PHKA2: variants seen among roughly 807,000 people sequenced by gnomAD.
PHKA2 encodes the protein phosphorylase b kinase regulatory subunit alpha, liver isoform.
Under a neutral mutation model 102.0 loss-of-function variants are expected in PHKA2, and 31 were observed. The ratio of observed to expected loss-of-function variants is 0.30; its 90% CI spans 0.23 to 0.41. The LOEUF is 0.41. Among genes scored for constraint, PHKA2 ranks in the 10% least tolerant of loss-of-function variants. PHKA2 has a pLI of 1.00. For synonymous variants in PHKA2, 455 were observed against 416.2 expected, an observed-to-expected ratio of 1.09 and a Z score of -1.13; for missense variants, 858 against 1,023.1, an observed-to-expected ratio of 0.84 and a Z score of 2.20.
intron 1 of PHKA2, among the ~76,000 whole-genome samples, chrX:18,982,594 G>A (rs1051607212): frequency 3.6e-5 from 4 of 112,107 alleles, no homozygotes; most frequent in Non-Finnish European, 7.5e-5. Context: ...GCACTTTTGG[G>A]AGGCCGTGGT....
chrX:18,894,807 A>T, intron 31 of PHKA2: 1 of 389,400 alleles, frequency 2.6e-6, no homozygotes, highest in Non-Finnish European at 4.5e-6. Context: ...AGTTGGAGAA[A>T]AGGGCCGAGA....
Position 18,931,737 on chromosome X carries a change from C to G in PHKA2, c.1149G>C (p.Glu383Asp), listed in dbSNP as rs2048318431. The G allele has an allele frequency of 2.6e-6, 3 of 1,176,276 alleles. No individual in the cohort carries two copies. Among genetic ancestry groups the G allele is most frequent in the Non-Finnish European group, 3.5e-6 (3 of 863,184 alleles). The change falls in exon 12 of 33, where the codon GAG (glutamate) becomes GAC (aspartate). Residue 383 changes from glutamate (E) to aspartate (D), a missense_variant. Glu to Asp is a conservative substitution (Grantham distance 45). Around this residue, in one of 2 missense-constraint regions of PHKA2, gnomAD observed 671 missense variants for 745.2 expected, o/e 0.90. Transcript: ENST00000379942. Reference protein sequence around the residue: ...YAVPPNKVDEEYKNPHTVDRV... With the variant: ...YAVPPNKVDEDYKNPHTVDRV... ...GGTCTACTGTGTGAGGATTCTTGTACTCTTCATCTACCTGGAAAGAGAGAC... is the reference window on the plus strand; with the variant it reads ...GGTCTACTGTGTGAGGATTCTTGTAGTCTTCATCTACCTGGAAAGAGAGAC...
At chrX:18,918,927 T>C (rs2048066752) in intron 18 of PHKA2, 73 bp from the exon 19 acceptor site, 8 of 947,638 alleles carry the variant, frequency 8.4e-6, no homozygotes, top group Non-Finnish European at 1.2e-5. Flanking sequence ...ATAGTGACCA[T>C]GGGTAGCAAG....
chrX:18,955,415 T>C (rs2048760568), intron 1 of PHKA2, among the ~76,000 whole-genome samples: 1 of 108,226 alleles, frequency 9.2e-6, no homozygotes, highest in Non-Finnish European at 1.9e-5. Flanking sequence ...GCTCGAAAAT[T>C]GATTGTGGTG....
chrX:18,968,991 C>T (rs1331718361), intron 1 of PHKA2, among the ~76,000 whole-genome samples: 1 of 111,206 alleles, frequency 9.0e-6, no homozygotes, highest in Non-Finnish European at 1.9e-5. Context: ...GTGGTGCACG[C>T]CTGTAATTCC....
At chrX:18,980,445 G>A (rs751301979) in intron 1 of PHKA2, among the ~76,000 whole-genome samples, 141 of 112,980 alleles carry the variant, frequency 1.2e-3, no homozygotes, top group African/African-American at 4.1e-3. Context: ...GGCAGGAGGC[G>A]AGATATGCTG....
intron 4 of PHKA2, 148 bp downstream of exon 4, chrX:18,950,956 G>A (rs750061012): frequency 1.9e-4 from 112 of 581,373 alleles, no homozygotes; most frequent in Non-Finnish European, 2.9e-4. Context: ...AAAGCATTTC[G>A]GTTCTGTATA....
At chrX:18,895,492 G>A (rs893648380) in intron 30 of PHKA2, 8 of 319,480 alleles carry the variant, frequency 2.5e-5, no homozygotes, top group African/African-American at 1.3e-4. Context: ...AACTGGGCCC[G>A]GGCGGCTGCG....
intron 19 of PHKA2, among the ~76,000 whole-genome samples, chrX:18,914,837 G>C (rs1424189937): frequency 9.0e-6 from 1 of 111,606 alleles, no homozygotes; most frequent in Non-Finnish European, 1.9e-5. Context: ...AAATAACTCC[G>C]AGTCAACAAG....
rs375400687 is a variant in PHKA2, at chrX:18,910,829, T to C, written c.2226+43A>G. On this transcript the variant is annotated intron_variant, in intron 20 of 32. Coordinates refer to ENST00000379942, the MANE Select transcript of PHKA2 (RefSeq NM_000292.3). ...GAGTTTGGGGACTCATCCTGCATTGTAGAACACCATACTTTTAAAAAAAGC... is the reference window on the plus strand; with the variant it reads ...GAGTTTGGGGACTCATCCTGCATTGCAGAACACCATACTTTTAAAAAAAGC... 1.8e-5 allele frequency: 15 copies of C among 817,895 alleles called. No homozygotes were observed. The African/African-American group carries it at 2.0e-4, about 11-fold the overall frequency. The allele number at this position is 817,895 out of a possible 1,213,427, so 67.4% of individuals were successfully genotyped here.
At chrX:18,981,866 C>T (rs2049175098) in intron 1 of PHKA2, among the ~76,000 whole-genome samples, 1 of 110,140 alleles carries the variant, frequency 9.1e-6, no homozygotes, top group African/African-American at 3.3e-5. Context: ...TCAGTGGAAG[C>T]AAGTGTTATT....
At chrX:18,905,540 A>G (rs2047793605) in intron 26 of PHKA2, among the ~76,000 whole-genome samples, 1 of 110,985 alleles carries the variant, frequency 9.0e-6, no homozygotes, top group East Asian at 2.9e-4. Flanking sequence ...CCACACCCAC[A>G]TGCTGTGCCA....
intron 4 of PHKA2, among the ~76,000 whole-genome samples, chrX:18,949,223 T>C (rs113025791): frequency 0.014 from 1,560 of 111,599 alleles, 23 homozygotes; most frequent in African/African-American, 0.049. Flanking sequence ...GTGAATACTT[T>C]TCCCAGTGGG....
chrX:18,945,187 G>A, intron 5 of PHKA2, 29 bp from the exon 6 acceptor site: 1 of 936,354 alleles, frequency 1.1e-6, no homozygotes, highest in Non-Finnish European at 1.6e-6. Context: ...GGAATCAGAG[G>A]GGAGAAAGAG....
At chrX:18,934,307 G>A (rs1366597645) in intron 11 of PHKA2, among the ~76,000 whole-genome samples, 1 of 112,415 alleles carries the variant, frequency 8.9e-6, no homozygotes, top group Non-Finnish European at 1.9e-5. Context: ...GATCTGCAGA[G>A]TGAGGGAAGA....
At chrX:18,952,656 C>T (rs2048717728) in intron 2 of PHKA2, 115 bp from the exon 3 acceptor site, 2 of 657,836 alleles carry the variant, frequency 3.0e-6, no homozygotes, top group East Asian at 6.6e-5. Context: ...CCTGGAAAGG[C>T]CAGTCCCGAG....
At chrX:18,901,690 C>T in intron 26 of PHKA2, 87 bp from the exon 27 acceptor site, 1 of 614,052 alleles carries the variant, frequency 1.6e-6, no homozygotes, top group South Asian at 2.3e-5. Context: ...CCCCACTTGA[C>T]AATGAGGGCC....
intron 5 of PHKA2, among the ~76,000 whole-genome samples, chrX:18,945,764 C>T (rs909379768): frequency 5.4e-5 from 6 of 110,795 alleles, no homozygotes; most frequent in African/African-American, 2.0e-4. Context: ...TACATGTGTA[C>T]CTAATGTATA....
At position 18,955,840 on chromosome X, in the gene PHKA2, T is replaced by C. The variant is rs766745994; in HGVS notation, c.79-1428A>G. 1.2e-4 allele frequency among the ~76,000 whole-genome samples: 13 copies of C among 112,161 alleles called. No homozygotes were observed. The South Asian group carries it at 3.0e-3, about 25-fold the overall frequency. On this transcript the variant is annotated intron_variant, in intron 1 of 32. Transcript: ENST00000379942. Reference sequence around the variant, plus strand: ...TCCTCTAACAAATCTATGCCCTCTATCAAAACATTTAAAACTCAACTGATA... The same window carrying C: ...TCCTCTAACAAATCTATGCCCTCTACCAAAACATTTAAAACTCAACTGATA...
Sources: allele counts gnomAD v4.1 joint callset (sites outside exome capture counted in the v4.1 genomes callset), GRCh38; gene constraint gnomAD v4.1.1; regional missense constraint gnomAD v4.1.1; transcripts MANE v1.5; gene names NCBI Gene and HGNC (gene_info 2026-07-23, HGNC 2026-07-21).